Variants in EXOC4 observed in about 807,000 individuals in gnomAD.
EXOC4 encodes SEC8-like 1.
EXOC4 carries 71 observed loss-of-function variants against 107.2 expected under a neutral mutation model. The ratio of observed to expected loss-of-function variants is 0.66; its 90% CI spans 0.55 to 0.81. The LOEUF is 0.81. EXOC4 is among the 30% of genes least tolerant of loss of function. EXOC4 has a pLI of 0.00. For missense variants in EXOC4, 1,108 were observed against 1,189.6 expected, an observed-to-expected ratio of 0.93 and a Z score of 1.01; for synonymous variants, 456 against 441.2, an observed-to-expected ratio of 1.03 and a Z score of -0.42.
intron 13 of EXOC4, among the ~76,000 whole-genome samples, chr7:133,918,483 T>G (rs569179006): frequency 6.6e-6 from 1 of 152,360 alleles, no homozygotes; most frequent in Non-Finnish European, 1.5e-5. Flanking sequence ...TGTTCTCCAG[T>G]CCATAGAACT....
chr7:133,871,358 G>A (rs1798747877), intron 11 of EXOC4, among the ~76,000 whole-genome samples: 1 of 151,902 alleles, frequency 6.6e-6, no homozygotes. Context: ...TTTCCCTGGA[G>A]AGCTGCTTGT....
At chr7:133,755,278 TATATTATATAC>T (rs1795886763) in intron 10 of EXOC4, among the ~76,000 whole-genome samples, 1 of 102,956 alleles carries the variant, frequency 9.7e-6, no homozygotes, top group Non-Finnish European at 1.9e-5. Flanking sequence ...ATATATTATA[TATATTATATAC>T]ATATTATATA....
intron 9 of EXOC4, among the ~76,000 whole-genome samples, chr7:133,517,374 A>C (rs945784392): frequency 2.0e-5 from 3 of 152,194 alleles, no homozygotes; most frequent in Admixed American, 1.3e-4. Context: ...AATCATTTGA[A>C]GATATTAACA....
chr7:134,049,132 A>C (rs1585351468), intron 17 of EXOC4, among the ~76,000 whole-genome samples: 1 of 152,236 alleles, frequency 6.6e-6, no homozygotes, highest in African/African-American at 2.4e-5. Flanking sequence ...ATAATGACTA[A>C]AAGTTTCTGA....
intron 17 of EXOC4, among the ~76,000 whole-genome samples, chr7:134,038,270 G>A (rs1232136817): frequency 1.3e-5 from 2 of 152,204 alleles, no homozygotes; most frequent in Non-Finnish European, 2.9e-5. Flanking sequence ...ATTTTAACAT[G>A]CAGCCCAACT....
intron 5 of EXOC4, among the ~76,000 whole-genome samples, chr7:133,351,709 T>C (rs1795914184): frequency 6.6e-6 from 1 of 151,952 alleles, no homozygotes; most frequent in South Asian, 2.1e-4. Flanking sequence ...ATATTTACTT[T>C]TTTCTGCTAG....
intron 7 of EXOC4, among the ~76,000 whole-genome samples, chr7:133,471,079 G>T (rs1409382367): frequency 6.6e-6 from 1 of 152,074 alleles, no homozygotes; most frequent in Non-Finnish European, 1.5e-5. Flanking sequence ...ATAAATTTCA[G>T]GTATCCTAGA....
At chr7:133,818,816 C>T (rs944388685) in intron 11 of EXOC4, among the ~76,000 whole-genome samples, 1 of 152,104 alleles carries the variant, frequency 6.6e-6, no homozygotes, top group Admixed American at 6.5e-5. Context: ...CCTGGTTATT[C>T]TCCATTCTCC....
At chr7:133,876,482 C>T (rs1037669744) in intron 11 of EXOC4, among the ~76,000 whole-genome samples, 4 of 152,018 alleles carry the variant, frequency 2.6e-5, no homozygotes, top group African/African-American at 4.8e-5. Flanking sequence ...GCTTTTATCA[C>T]GCTTACTCAT....
intron 17 of EXOC4, among the ~76,000 whole-genome samples, chr7:134,063,290 C>T (rs1796110517): frequency 6.6e-6 from 1 of 152,226 alleles, no homozygotes; most frequent in Non-Finnish European, 1.5e-5. Context: ...AGGAAGTCTT[C>T]CTCAGTCCCA....
At chr7:134,037,225 CTCAA>C (rs1042037917) in intron 17 of EXOC4, among the ~76,000 whole-genome samples, 4 of 152,168 alleles carry the variant, frequency 2.6e-5, no homozygotes, top group Admixed American at 6.5e-5. Flanking sequence ...ACGAAGTTTT[CTCAA>C]TCAAAGACTG....
chr7:133,265,322 C>T (rs1304649394), intron 1 of EXOC4, among the ~76,000 whole-genome samples: 1 of 151,794 alleles, frequency 6.6e-6, no homozygotes, highest in African/African-American at 2.4e-5. Context: ...AGTACTCTTT[C>T]CATTATGTAG....
chr7:133,895,325 G>C (rs569722682), intron 11 of EXOC4: 2 of 347,274 alleles, frequency 5.8e-6, no homozygotes, highest in East Asian at 1.5e-4. Context: ...TGCGCCCACT[G>C]TCTGGCACTC....
At chr7:133,770,804 C>T (rs1796229825) in intron 10 of EXOC4, among the ~76,000 whole-genome samples, 1 of 151,810 alleles carries the variant, frequency 6.6e-6, no homozygotes, top group African/African-American at 2.4e-5. Flanking sequence ...TTGTTTGTAC[C>T]TCTTAATATA....
intron 7 of EXOC4, among the ~76,000 whole-genome samples, chr7:133,378,793 A>G (rs142275954): frequency 3.0e-4 from 45 of 152,216 alleles, no homozygotes; most frequent in South Asian, 2.9e-3. Flanking sequence ...AGGAAAAAGA[A>G]CAAGGAAGAA....
intron 17 of EXOC4, among the ~76,000 whole-genome samples, chr7:134,021,722 G>GAAAAAAAA (rs60762484): frequency 2.4e-4 from 13 of 53,736 alleles, no homozygotes; most frequent in Admixed American, 4.4e-4. Context: ...AGTCAAACCA[G>GAAAAAAAA]AAAAAAAAAA....
At chr7:134,053,925 TTTTATTTTAA>T (rs1305082887) in intron 17 of EXOC4, among the ~76,000 whole-genome samples, 4 of 139,538 alleles carry the variant, frequency 2.9e-5, no homozygotes, top group African/African-American at 1.1e-4. Context: ...AGCTGGTACT[TTTTATTTTAA>T]TTTATTTTAT....
intron 2 of EXOC4, among the ~76,000 whole-genome samples, chr7:133,276,429 A>G (rs1793993230): frequency 6.6e-6 from 1 of 152,214 alleles, no homozygotes; most frequent in Admixed American, 6.5e-5. Flanking sequence ...GATTCTTTGC[A>G]AGGGATGATT....
At chr7:133,287,038 T>A (rs987637678) in intron 2 of EXOC4, among the ~76,000 whole-genome samples, 4 of 152,204 alleles carry the variant, frequency 2.6e-5, no homozygotes, top group African/African-American at 9.6e-5. Flanking sequence ...TTTTTGGTGT[T>A]AGTAAATCCT....
Sources: allele counts gnomAD v4.1 joint callset (sites outside exome capture counted in the v4.1 genomes callset), GRCh38; gene constraint gnomAD v4.1.1; transcripts MANE v1.5; gene names NCBI Gene and HGNC (gene_info 2026-07-23, HGNC 2026-07-21).